KCND2: variants seen among roughly 807,000 people sequenced by gnomAD.
KCND2 encodes A-type voltage-gated potassium channel KCND2.
KCND2 carries 16 observed loss-of-function variants against 54.4 expected under a neutral mutation model. The observed-to-expected ratio is 0.29, with a 90% CI of 0.20 to 0.45. KCND2 has a LOEUF of 0.45. Among genes scored for constraint, KCND2 ranks in the 20% least tolerant of loss-of-function variants. KCND2 has a pLI of 1.00. For synonymous variants in KCND2, 317 were observed against 310.7 expected (o/e 1.02, Z -0.21); for missense variants, 486 against 824.2 (o/e 0.59, Z 5.02).
chr7:120,695,920 T>C (rs1451627800), intron 1 of KCND2, among the ~76,000 whole-genome samples: 1 of 152,172 alleles, frequency 6.6e-6, no homozygotes, highest in Non-Finnish European at 1.5e-5. Flanking sequence ...AAAAGAGGTG[T>C]AAAATGAAAT....
At chr7:120,649,205 GT>G (rs1043472912) in intron 1 of KCND2, among the ~76,000 whole-genome samples, 237 of 142,636 alleles carry the variant, frequency 1.7e-3, no homozygotes, top group South Asian at 6.9e-3. Flanking sequence ...ATTTTGTCTT[GT>G]TTTTTTTTTT....
chr7:120,430,058 G>A (rs751070940), intron 1 of KCND2, among the ~76,000 whole-genome samples: 1 of 152,108 alleles, frequency 6.6e-6, no homozygotes, highest in South Asian at 2.1e-4. Context: ...AGAGTTCTTT[G>A]TATTAGTTTC....
Position 120,282,344 on chromosome 7 carries a change from A to G in KCND2, c.1115+6597A>G, listed in dbSNP as rs188885742. On this transcript the variant is annotated intron_variant, in intron 1 of 5. Coordinates refer to ENST00000331113, the MANE Select transcript of KCND2 (RefSeq NM_012281.3). ...AAATAGAATTTTTTAAAATAGGGAA[A>G]TATTGTCTGTAAATGACATAGGAGA... Among the ~76,000 whole-genome samples the G allele has an allele frequency of 2.6e-5, 4 of 152,316 alleles. No individual in the cohort carries two copies. The East Asian group carries it at 7.7e-4, about 29-fold the overall frequency.
At chr7:120,546,658 C>T (rs929540918) in intron 1 of KCND2, among the ~76,000 whole-genome samples, 5 of 151,926 alleles carry the variant, frequency 3.3e-5, no homozygotes, top group African/African-American at 4.8e-5. Context: ...CATCTCCTCA[C>T]ACAAGATCTA....
chr7:120,541,399 A>AT (rs139782427), intron 1 of KCND2, among the ~76,000 whole-genome samples: 1 of 151,540 alleles, frequency 6.6e-6, no homozygotes, highest in East Asian at 1.9e-4. Flanking sequence ...AGGAGATGAA[A>AT]TTTTTTTTTC....
chr7:120,291,302 T>C (rs1405643716), intron 1 of KCND2, among the ~76,000 whole-genome samples: 2 of 151,936 alleles, frequency 1.3e-5, no homozygotes, highest in African/African-American at 4.8e-5. Flanking sequence ...TATTTTATGG[T>C]CTTAACACTT....
intron 1 of KCND2, among the ~76,000 whole-genome samples, chr7:120,609,321 C>T (rs1792921704): frequency 1.3e-5 from 2 of 152,042 alleles, no homozygotes; most frequent in African/African-American, 2.4e-5. Flanking sequence ...TGATGAGAGG[C>T]GGGATGGGGT....
chr7:120,393,847 T>C (rs1038012448), intron 1 of KCND2, among the ~76,000 whole-genome samples: 1 of 151,998 alleles, frequency 6.6e-6, no homozygotes, highest in Non-Finnish European at 1.5e-5. Context: ...AGCAATCCAA[T>C]GACAAAATTC....
chr7:120,539,325 G>A (rs979786266), intron 1 of KCND2, among the ~76,000 whole-genome samples: 1 of 152,190 alleles, frequency 6.6e-6, no homozygotes, highest in Non-Finnish European at 1.5e-5. Context: ...GTTGCCAAAA[G>A]CTTTCAAACT....
chr7:120,343,598 G>C (rs1800272815), intron 1 of KCND2, among the ~76,000 whole-genome samples: 1 of 152,158 alleles, frequency 6.6e-6, no homozygotes, highest in Non-Finnish European at 1.5e-5. Flanking sequence ...AGGTAAGTGG[G>C]ACCAGACCAG....
chr7:120,532,986 G>T (rs961564023), intron 1 of KCND2, among the ~76,000 whole-genome samples: 1 of 151,990 alleles, frequency 6.6e-6, no homozygotes, highest in African/African-American at 2.4e-5. Context: ...TTCTCTGATA[G>T]AAATTTGACA....
intron 1 of KCND2, among the ~76,000 whole-genome samples, chr7:120,447,573 G>GA (rs1313990266): frequency 6.6e-6 from 1 of 152,028 alleles, no homozygotes; most frequent in Non-Finnish European, 1.5e-5. Flanking sequence ...CTTTTCTTAT[G>GA]AAAGTCCTGT....
chr7:120,424,923 A>T (rs911205186), intron 1 of KCND2, among the ~76,000 whole-genome samples: 1 of 152,204 alleles, frequency 6.6e-6, no homozygotes, highest in African/African-American at 2.4e-5. Flanking sequence ...AGATTTTGCT[A>T]GTTTATTTCC....
At chr7:120,608,054 G>A (rs1792904738) in intron 1 of KCND2, among the ~76,000 whole-genome samples, 1 of 151,430 alleles carries the variant, frequency 6.6e-6, no homozygotes, top group Non-Finnish European at 1.5e-5. Context: ...AGCCACAAAA[G>A]ATTACAAAAT....
intron 1 of KCND2, among the ~76,000 whole-genome samples, chr7:120,663,378 T>C (rs956056876): frequency 1.3e-5 from 2 of 152,168 alleles, no homozygotes; most frequent in Non-Finnish European, 2.9e-5. Context: ...TTTAGTTTTT[T>C]GAAATAATGG....
At chr7:120,670,438 G>A (rs1791977401) in intron 1 of KCND2, among the ~76,000 whole-genome samples, 1 of 152,028 alleles carries the variant, frequency 6.6e-6, no homozygotes, top group African/African-American at 2.4e-5. Context: ...AGATGGAGAA[G>A]GGGTGGGCTT....
At chr7:120,611,464 G>T (rs981196673) in intron 1 of KCND2, among the ~76,000 whole-genome samples, 1 of 152,126 alleles carries the variant, frequency 6.6e-6, no homozygotes, top group Non-Finnish European at 1.5e-5. Flanking sequence ...GCATAGAAAT[G>T]AACTTTTGCT....
In KCND2 at chr7:120,479,362, A is replaced by T. The variant is rs562671016; in HGVS notation, c.1115+203615A>T. 2.0e-5 allele frequency among the ~76,000 whole-genome samples: 3 copies of T among 152,160 alleles called. No homozygotes were observed. In the East Asian group the frequency reaches 5.8e-4, roughly 29 times the overall value. Reference sequence around the variant, plus strand: ...TTTATATTTCAATTAAACATTTAGAAGATCATTTTCATCTTACACAAATTT... The same window carrying T: ...TTTATATTTCAATTAAACATTTAGATGATCATTTTCATCTTACACAAATTT... On this transcript the variant is annotated intron_variant, in intron 1 of 5. Transcript: ENST00000331113.
In KCND2 at chr7:120,389,008, G is replaced by T. The variant is rs141955844; in HGVS notation, c.1115+113261G>T. Among the ~76,000 whole-genome samples, 14 of 151,246 alleles carry T rather than the reference G, an allele frequency of 9.3e-5. No homozygotes were observed. The East Asian group carries it at 2.7e-3, about 30-fold the overall frequency. On this transcript the variant is annotated intron_variant, in intron 1 of 5. Transcript: ENST00000331113. ...GCATCTACATTTTGTTGCCATGCTG[G>T]TCTACTTTAATTGTCTAAGACTATA...
Sources: gnomAD v4.1 joint callset for allele counts (sites outside exome capture counted in the v4.1 genomes callset) on GRCh38, gnomAD v4.1.1 for gene constraint, MANE v1.5 for transcripts, NCBI Gene and HGNC (gene_info 2026-07-23, HGNC 2026-07-21) for gene names.